Variants in RAD18 observed in about 807,000 individuals in gnomAD.
RAD18 encodes E3 ubiquitin-protein ligase RAD18.
Under a neutral mutation model 60.4 loss-of-function variants are expected in RAD18, and 47 were observed. The observed-to-expected ratio is 0.78, with a 90% CI of 0.62 to 0.99. The LOEUF (loss-of-function observed/expected upper bound fraction) is 0.99. RAD18 is among the 50% of genes least tolerant of loss of function. RAD18 has a pLI of 0.00. For missense variants in RAD18, 640 were observed against 593.3 expected (o/e 1.08, Z -0.82); for synonymous variants, 225 against 195.5 (o/e 1.15, Z -1.26).
At chr3:8,898,573 A>G (rs1408729438) in intron 11 of RAD18, among the ~76,000 whole-genome samples, 2 of 152,002 alleles carry the variant, frequency 1.3e-5, no homozygotes, top group East Asian at 1.9e-4. Flanking sequence ...CTGTTTTCCA[A>G]TATAGTTGTT....
At chr3:8,944,608 G>C (rs1215059661) in intron 4 of RAD18, among the ~76,000 whole-genome samples, 2 of 149,316 alleles carry the variant, frequency 1.3e-5, no homozygotes, top group Non-Finnish European at 3.0e-5. Flanking sequence ...GAAGGAGAAA[G>C]GAGGAGGGAG....
chr3:8,900,360 G>C (rs1337104276), intron 10 of RAD18, among the ~76,000 whole-genome samples: 1 of 152,164 alleles, frequency 6.6e-6, no homozygotes, highest in Non-Finnish European at 1.5e-5. Flanking sequence ...TACTCAACTA[G>C]TGAGGTGCAT....
chr3:8,959,040 A>C (rs1941056934), intron 1 of RAD18, 39 bp from the exon 2 acceptor site: 1 of 1,542,938 alleles, frequency 6.5e-7, no homozygotes, highest in South Asian at 1.1e-5. Context: ...TCAGAAAGAC[A>C]TCAAAATTGG....
At chr3:8,922,300 T>C (rs996661234) in intron 7 of RAD18, among the ~76,000 whole-genome samples, 26 of 152,360 alleles carry the variant, frequency 1.7e-4, no homozygotes, top group African/African-American at 5.5e-4. Flanking sequence ...ATCCCGTGCC[T>C]GGCTCGGAGG....
intron 11 of RAD18, among the ~76,000 whole-genome samples, chr3:8,895,972 C>A (rs2125048980): frequency 6.6e-6 from 1 of 152,294 alleles, no homozygotes. Context: ...TAAAAAACAA[C>A]CTGCAAAAAT....
intron 6 of RAD18, among the ~76,000 whole-genome samples, chr3:8,938,209 C>T (rs1940685965): frequency 6.6e-6 from 1 of 152,172 alleles, no homozygotes; most frequent in Admixed American, 6.5e-5. Context: ...AACTTACCCA[C>T]TAGGTGGGAG....
chr3:8,886,652 A>G (rs982281955), intron 12 of RAD18, among the ~76,000 whole-genome samples: 3 of 152,224 alleles, frequency 2.0e-5, no homozygotes, highest in African/African-American at 7.2e-5. Context: ...TACTCACTAG[A>G]AAGGGTGAGA....
intron 2 of RAD18, among the ~76,000 whole-genome samples, chr3:8,957,399 C>T (rs1941032299): frequency 1.3e-5 from 2 of 152,236 alleles, no homozygotes; most frequent in Admixed American, 1.3e-4. Flanking sequence ...GGAGGACTTA[C>T]AATGCCTGAC....
intron 10 of RAD18, among the ~76,000 whole-genome samples, chr3:8,900,145 A>C (rs1001625161): frequency 1.3e-5 from 2 of 152,220 alleles, no homozygotes; most frequent in East Asian, 3.8e-4. Context: ...ATTCCTAAAA[A>C]TATGCTCCTA....
At chr3:8,891,049 C>T (rs994970151) in intron 11 of RAD18, among the ~76,000 whole-genome samples, 1 of 142,688 alleles carries the variant, frequency 7.0e-6, no homozygotes, top group Non-Finnish European at 1.5e-5. Flanking sequence ...CACATACACG[C>T]ACATGTATAA....
intron 7 of RAD18, among the ~76,000 whole-genome samples, chr3:8,915,442 T>A (rs147736059): frequency 6.6e-6 from 1 of 151,980 alleles, no homozygotes; most frequent in Non-Finnish European, 1.5e-5. Context: ...CAGAGAAAAA[T>A]TGGTACCACC....
At chr3:8,936,136 C>A in intron 6 of RAD18, 81 bp from the exon 7 acceptor site, 1 of 1,306,442 alleles carries the variant, frequency 7.7e-7, no homozygotes, top group South Asian at 1.6e-5. Flanking sequence ...AATTCTGATT[C>A]AACACCTGGG....
At chr3:8,891,544 C>T (rs937046850) in intron 11 of RAD18, among the ~76,000 whole-genome samples, 1 of 152,160 alleles carries the variant, frequency 6.6e-6, no homozygotes, top group African/African-American at 2.4e-5. Flanking sequence ...TCAGTGAAAA[C>T]AGATGTTAGA....
At chr3:8,962,896 G>GA (rs1243504625) in intron 1 of RAD18, among the ~76,000 whole-genome samples, 2 of 152,154 alleles carry the variant, frequency 1.3e-5, no homozygotes, top group Non-Finnish European at 2.9e-5. Flanking sequence ...CAGAAGAAAT[G>GA]AAAGAGCCTG....
chr3:8,919,571 C>T (rs537558686), intron 7 of RAD18, among the ~76,000 whole-genome samples: 2 of 152,270 alleles, frequency 1.3e-5, no homozygotes, highest in East Asian at 3.9e-4. Context: ...TATATATATG[C>T]ATACATGCAT....
intron 7 of RAD18, among the ~76,000 whole-genome samples, chr3:8,925,492 G>A (rs1265576254): frequency 1.3e-5 from 2 of 152,150 alleles, no homozygotes; most frequent in African/African-American, 2.4e-5. Flanking sequence ...ACAAGGAGGA[G>A]CTGGTACCAT....
intron 7 of RAD18, among the ~76,000 whole-genome samples, chr3:8,923,082 G>C (rs1940358056): frequency 6.6e-6 from 1 of 152,174 alleles, no homozygotes; most frequent in African/African-American, 2.4e-5. Flanking sequence ...TCGACGAGTT[G>C]AGAGAAGAAC....
At chr3:8,933,607 G>A (rs1458310713) in intron 7 of RAD18, among the ~76,000 whole-genome samples, 4 of 152,162 alleles carry the variant, frequency 2.6e-5, no homozygotes, top group Non-Finnish European at 5.9e-5. Flanking sequence ...GTGTACCACT[G>A]CATCAAAAAT....
intron 10 of RAD18, 29 bp downstream of exon 10, chr3:8,902,351 T>C (rs772703626): frequency 6.8e-7 from 1 of 1,473,126 alleles, no homozygotes; most frequent in East Asian, 2.5e-5. Context: ...AAATTCGACA[T>C]ATGTCTGTTT....
Sources: gnomAD v4.1 joint callset for allele counts (sites outside exome capture counted in the v4.1 genomes callset) on GRCh38, gnomAD v4.1.1 for gene constraint, MANE v1.5 for transcripts, NCBI Gene and HGNC (gene_info 2026-07-23, HGNC 2026-07-21) for gene names.